Variants in CCSER1 observed in about 807,000 individuals in gnomAD.
CCSER1 encodes the protein coiled-coil serine rich protein 1.
CCSER1 carries 41 observed loss-of-function variants against 82.0 expected under a neutral mutation model. That is an observed-to-expected ratio of 0.50 (90% CI 0.39 to 0.65). The LOEUF is 0.65. CCSER1 is among the 30% of genes least tolerant of loss of function. The probability of loss-of-function intolerance (pLI) is 0.00; values close to 1 mark genes in which losing one functional copy is unlikely to be tolerated. For synonymous variants in CCSER1, 414 were observed against 383.9 expected (o/e 1.08, Z -0.92); for missense variants, 1,119 against 1,064.2 (o/e 1.05, Z -0.72).
intron 10 of CCSER1, among the ~76,000 whole-genome samples, chr4:91,587,549 CT>C (rs1764056834): frequency 6.6e-6 from 1 of 151,756 alleles, no homozygotes; most frequent in African/African-American, 2.4e-5. Context: ...CCACATTCTA[CT>C]CTAAGAATTT....
intron 7 of CCSER1, among the ~76,000 whole-genome samples, 169 bp from the exon 8 acceptor site, chr4:90,815,588 ATTAAC>A (rs1435401406): frequency 8.5e-5 from 13 of 152,182 alleles, no homozygotes; most frequent in African/African-American, 3.1e-4. Flanking sequence ...TTTTGGATAC[ATTAAC>A]TTATTTTTTG....
chr4:91,594,430 C>CATATACACACATATATATATATAT (rs2110349667), intron 10 of CCSER1, among the ~76,000 whole-genome samples: 2 of 146,970 alleles, frequency 1.4e-5, no homozygotes, highest in African/African-American at 5.0e-5. Flanking sequence ...TACATATATA[C>CATATACACACATATATATATATAT]ATATACACAC....
chr4:90,769,355 C>T (rs539318249), intron 7 of CCSER1, among the ~76,000 whole-genome samples: 3 of 152,134 alleles, frequency 2.0e-5, no homozygotes, highest in South Asian at 2.1e-4. Context: ...TAGAAGAAAC[C>T]GTTTGGGCTC....
At chr4:91,059,921 A>G (rs1246569507) in intron 9 of CCSER1, among the ~76,000 whole-genome samples, 2 of 151,840 alleles carry the variant, frequency 1.3e-5, no homozygotes, top group Non-Finnish European at 2.9e-5. Flanking sequence ...GTTCACACAA[A>G]CCTCTCTATC....
intron 4 of CCSER1, among the ~76,000 whole-genome samples, chr4:90,437,348 A>G (rs561070223): frequency 1.3e-5 from 2 of 152,158 alleles, no homozygotes; most frequent in Non-Finnish European, 2.9e-5. Flanking sequence ...ATAGTGAACA[A>G]TATATTTTTA....
chr4:91,550,542 T>C (rs1420595559), intron 10 of CCSER1, among the ~76,000 whole-genome samples: 2 of 152,220 alleles, frequency 1.3e-5, no homozygotes, highest in Non-Finnish European at 2.9e-5. Context: ...GAGTTGTTGA[T>C]TTGTTCAGCT....
chr4:90,889,723 G>A, intron 8 of CCSER1, among the ~76,000 whole-genome samples: 1 of 152,076 alleles, frequency 6.6e-6, no homozygotes, highest in Admixed American at 6.6e-5. Context: ...GTTTTACATA[G>A]CATGGATGAT....
chr4:91,081,100 A>C (rs909947333), intron 9 of CCSER1, among the ~76,000 whole-genome samples: 2 of 152,188 alleles, frequency 1.3e-5, no homozygotes, highest in African/African-American at 4.8e-5. Flanking sequence ...GCAGAGACAC[A>C]ACAAAAAAAG....
intron 10 of CCSER1, among the ~76,000 whole-genome samples, chr4:91,153,843 A>G (rs188328545): frequency 4.2e-4 from 64 of 152,020 alleles, no homozygotes; most frequent in African/African-American, 1.4e-3. Context: ...AGAACGGCAT[A>G]TATTGCTGCC....
chr4:90,745,192 A>G (rs2149456744), intron 7 of CCSER1, among the ~76,000 whole-genome samples: 1 of 152,180 alleles, frequency 6.6e-6, no homozygotes, highest in South Asian at 2.1e-4. Context: ...TACCTTTTGA[A>G]CTTCTAGAAG....
At chr4:90,587,891 C>T (rs1333544355) in intron 5 of CCSER1, among the ~76,000 whole-genome samples, 1 of 152,064 alleles carries the variant, frequency 6.6e-6, no homozygotes, top group African/African-American at 2.4e-5. Flanking sequence ...AGTTCCAGAC[C>T]ACCATAATCA....
At chr4:90,407,711 C>T (rs193073447) in intron 4 of CCSER1, among the ~76,000 whole-genome samples, 99 of 152,280 alleles carry the variant, frequency 6.5e-4, no homozygotes, top group African/African-American at 2.2e-3. Context: ...GCGTGAGCGA[C>T]GCAGAAGACG....
At chr4:90,548,727 GATAT>G (rs60880201) in intron 5 of CCSER1, among the ~76,000 whole-genome samples, 7,363 of 143,500 alleles carry the variant, frequency 0.051, 217 homozygotes, top group Middle Eastern at 0.11. Flanking sequence ...ATCATTTAAA[GATAT>G]ATATATATAT....
chr4:90,173,467 A>G (rs1282140801), intron 1 of CCSER1, among the ~76,000 whole-genome samples: 1 of 151,880 alleles, frequency 6.6e-6, no homozygotes, highest in Non-Finnish European at 1.5e-5. Context: ...CCAGCATTTC[A>G]GGATTAAGCT....
At chr4:90,183,543 A>G (rs1212523199) in intron 1 of CCSER1, among the ~76,000 whole-genome samples, 1 of 152,132 alleles carries the variant, frequency 6.6e-6, no homozygotes, top group East Asian at 1.9e-4. Context: ...CAGTGCACAC[A>G]CACATGCATG....
chr4:91,442,397 G>A lies in CCSER1; in HGVS notation c.2218-156175G>A, dbSNP rs1339528767. On this transcript the variant is annotated intron_variant, in intron 10 of 10. Coordinates refer to ENST00000509176, the MANE Select transcript of CCSER1 (RefSeq NM_001145065.2). ...AAGGATTCGCTATTTAATAAATGGT[G>A]CTGGGAAAACTGGCTAGCCATATGT... Among the ~76,000 whole-genome samples, 3 of 151,054 alleles carry A rather than the reference G, an allele frequency of 2.0e-5. No homozygotes were observed. In the South Asian group the frequency reaches 6.3e-4, roughly 32 times the overall value.
chr4:91,034,327 A>G (rs1230636187), intron 9 of CCSER1, among the ~76,000 whole-genome samples: 2 of 152,078 alleles, frequency 1.3e-5, no homozygotes. Flanking sequence ...CCACTTGTTT[A>G]CTTCACGCTG....
intron 1 of CCSER1, among the ~76,000 whole-genome samples, chr4:90,264,637 C>G (rs1453476824): frequency 6.6e-6 from 1 of 151,984 alleles, no homozygotes; most frequent in East Asian, 1.9e-4. Context: ...CTTTTGGTGT[C>G]AATCAGTAAA....
In CCSER1 at chr4:91,598,647, G is replaced by T; in HGVS notation, c.2293G>T (p.Asp765Tyr). Residue 765 changes from aspartate (D) to tyrosine (Y), a missense_variant, in exon 11 of 11, where the codon GAC (aspartate) becomes TAC (tyrosine). Transcript: ENST00000509176. ...DRKAIHTPTE[D>Y]RFRYSAADQT... is the part of the protein sequence containing the mutation. Reference sequence around the variant, plus strand: ...AAAAGCAATACATACTCCCACCGAGGACCGTTTTAGGTATTCGGCAGCGGA... The same window carrying T: ...AAAAGCAATACATACTCCCACCGAGTACCGTTTTAGGTATTCGGCAGCGGA... The T allele has an allele frequency of 6.4e-7, 1 of 1,551,376 alleles. No homozygotes were observed. Among genetic ancestry groups the T allele is most frequent in the Non-Finnish European group, 8.7e-7 (1 of 1,146,884 alleles).
Sources: gnomAD v4.1 joint callset for allele counts (sites outside exome capture counted in the v4.1 genomes callset) on GRCh38, gnomAD v4.1.1 for gene constraint, MANE v1.5 for transcripts, NCBI Gene and HGNC (gene_info 2026-07-23, HGNC 2026-07-21) for gene names.